The following STK32B variants were observed in gnomAD, a reference collection of about 807,000 sequenced individuals.
STK32B encodes the protein serine/threonine kinase 32B, also known as serine/threonine-protein kinase 32B.
STK32B carries 43 observed loss-of-function variants against 52.6 expected under a neutral mutation model. That is an observed-to-expected ratio of 0.82 (90% confidence interval 0.64 to 1.05). The LOEUF (loss-of-function observed/expected upper bound fraction) is 1.05. Ranked by LOEUF, STK32B falls within the 50% of genes least tolerant of loss-of-function variation. The probability of loss-of-function intolerance (pLI) is 0.00; values close to 1 mark genes in which losing one functional copy is unlikely to be tolerated. For missense variants in STK32B, 621 were observed against 534.6 expected (o/e 1.16, Z -1.59); for synonymous variants, 238 against 204.3 (o/e 1.17, Z -1.41).
At chr4:5,314,978 C>T (rs964791746) in intron 3 of STK32B, among the ~76,000 whole-genome samples, 3 of 152,014 alleles carry the variant, frequency 2.0e-5, no homozygotes, top group African/African-American at 7.3e-5. Context: ...ATAAACTGGA[C>T]CTCATTAAAA....
At chr4:5,448,495 G>A (rs957033221) in intron 7 of STK32B, among the ~76,000 whole-genome samples, 1 of 152,200 alleles carries the variant, frequency 6.6e-6, no homozygotes, top group African/African-American at 2.4e-5. Context: ...TGCCCTAAAC[G>A]TGACTGGGCT....
intron 4 of STK32B, among the ~76,000 whole-genome samples, chr4:5,349,988 C>A (rs1733723959): frequency 6.6e-6 from 1 of 152,116 alleles, no homozygotes; most frequent in Non-Finnish European, 1.5e-5. Flanking sequence ...ATATGGGACA[C>A]CATAAATCAA....
At chr4:5,143,023 A>G (rs1255882830) in intron 2 of STK32B, among the ~76,000 whole-genome samples, 1 of 152,200 alleles carries the variant, frequency 6.6e-6, no homozygotes, top group African/African-American at 2.4e-5. Flanking sequence ...CATGCCCTGT[A>G]AAAGTCAGAA....
At chr4:5,458,020 C>G (rs1274168513) in intron 8 of STK32B, among the ~76,000 whole-genome samples, 1 of 152,024 alleles carries the variant, frequency 6.6e-6, no homozygotes, top group Non-Finnish European at 1.5e-5. Flanking sequence ...GGAACTGTTG[C>G]TATTAGACTA....
intron 3 of STK32B, among the ~76,000 whole-genome samples, chr4:5,238,278 C>A (rs73081663): frequency 6.6e-6 from 1 of 152,024 alleles, no homozygotes; most frequent in Admixed American, 6.6e-5. Context: ...TTCTAGTGGG[C>A]GGTTGTAGGA....
chr4:5,029,930 T>C, the STK32B span, among the ~76,000 whole-genome samples: 1 of 152,186 alleles, frequency 6.6e-6, no homozygotes, highest in Non-Finnish European at 1.5e-5. Context: ...ATTCTCATGA[T>C]AGTGAATGAG....
chr4:5,470,022 G>A lies in STK32B; in HGVS notation c.1106+1952G>A, dbSNP rs1717732700. Among the ~76,000 whole-genome samples the A allele has an allele frequency of 6.6e-6, 1 of 152,138 alleles. No homozygotes were observed. The highest frequency in any genetic ancestry group is 1.5e-5 in the Non-Finnish European group (1 of 68,020). Reference sequence around the variant, plus strand: ...AGCAGCTGCTGGCAAACGTGAGCCTGCAAAAAGCTAAGCTGTGTGGGACCC... The same window carrying A: ...AGCAGCTGCTGGCAAACGTGAGCCTACAAAAAGCTAAGCTGTGTGGGACCC... On this transcript the variant is annotated intron_variant, in intron 11 of 11. Transcript: ENST00000282908. This position sits in a 1 kb window ranked among gnomAD's most constrained non-coding sequence, Gnocchi z 4.6.
chr4:5,208,502 G>C (rs111447901), intron 3 of STK32B, among the ~76,000 whole-genome samples: 4 of 152,178 alleles, frequency 2.6e-5, no homozygotes, highest in Non-Finnish European at 5.9e-5. Context: ...GTCATGAGAA[G>C]TTTTCTAACT....
intron 1 of STK32B, among the ~76,000 whole-genome samples, chr4:5,079,494 A>T (rs984919886): frequency 5.3e-5 from 8 of 152,282 alleles, no homozygotes; most frequent in African/African-American, 1.9e-4. Flanking sequence ...TTTCAATCTC[A>T]TTGGTTTAAA....
At chr4:5,286,728 G>T (rs1277547040) in intron 3 of STK32B, among the ~76,000 whole-genome samples, 1 of 147,896 alleles carries the variant, frequency 6.8e-6, no homozygotes, top group African/African-American at 2.5e-5. Flanking sequence ...TTTTTGCATT[G>T]TTGACCTTTA....
chr4:5,051,952 G>A lies in STK32B; in HGVS notation c.52+37G>A, dbSNP rs1349247639. 11 of 1,560,110 alleles carry A rather than the reference G, an allele frequency of 7.1e-6. No homozygotes were observed. The Admixed American group carries it at 1.9e-4, about 27-fold the overall frequency. ...AGAGGTGCGAATTCCCGCTTCGCGG[G>A]GCATCCCCTTCCTCCACCACCCTCG... On this transcript the variant is annotated intron_variant, in intron 1 of 11. Coordinates refer to ENST00000282908, the MANE Select transcript of STK32B (RefSeq NM_018401.3).
At chr4:5,227,347 A>G (rs1304265472) in intron 3 of STK32B, among the ~76,000 whole-genome samples, 1 of 152,244 alleles carries the variant, frequency 6.6e-6, no homozygotes, top group East Asian at 1.9e-4. Flanking sequence ...GTAACACAAT[A>G]TATTAGTAAT....
chr4:5,297,770 A>G (rs1729300371), intron 3 of STK32B, among the ~76,000 whole-genome samples: 1 of 151,710 alleles, frequency 6.6e-6, no homozygotes, highest in South Asian at 2.1e-4. Context: ...CACCTTCTGA[A>G]GCCTACTTCT....
rs1730327884 is a variant in STK32B, at chr4:5,312,030, T to C, written c.261-19190T>C. Among the ~76,000 whole-genome samples the C allele has an allele frequency of 2.0e-5, 3 of 151,642 alleles. No individual in the cohort carries two copies. In the South Asian group the frequency reaches 6.2e-4, roughly 31 times the overall value. ...AAAATGCCTCCATCCTTCTTCATTCTTCTCTCCATTATATATTTTAACAGA... is the reference window on the plus strand; with the variant it reads ...AAAATGCCTCCATCCTTCTTCATTCCTCTCTCCATTATATATTTTAACAGA... On this transcript the variant is annotated intron_variant, in intron 3 of 11. Coordinates refer to ENST00000282908, the MANE Select transcript of STK32B (RefSeq NM_018401.3).
At chr4:5,074,635 G>A (rs978486444) in intron 1 of STK32B, among the ~76,000 whole-genome samples, 2 of 151,836 alleles carry the variant, frequency 1.3e-5, no homozygotes, top group Non-Finnish European at 2.9e-5. Flanking sequence ...CACATGTCTG[G>A]CACAATAAAT....
rs1019003422 is a variant in STK32B, at chr4:5,386,573, A to G, written c.435-11634A>G. Among the ~76,000 whole-genome samples, 1 of 152,208 alleles carries G rather than the reference A, an allele frequency of 6.6e-6. No homozygotes were observed. Among genetic ancestry groups the G allele is most frequent in the African/African-American group, 2.4e-5 (1 of 41,458 alleles). On this transcript the variant is annotated intron_variant, in intron 4 of 11. Transcript: ENST00000282908. This position sits in a 1 kb window ranked among gnomAD's most constrained non-coding sequence, Gnocchi z 4.5. ...ATCTGTAAGGAGAGGGAGAAACACA[A>G]TTATTTCTTAGATCCCTTTTGGCTC...
the STK32B span, among the ~76,000 whole-genome samples, chr4:5,032,145 C>G: frequency 6.6e-6 from 1 of 150,902 alleles, no homozygotes; most frequent in African/African-American, 2.4e-5. Context: ...AGACTAGTAG[C>G]CAGTTATGAC....
At chr4:5,245,819 C>T (rs1725407658) in intron 3 of STK32B, among the ~76,000 whole-genome samples, 2 of 152,146 alleles carry the variant, frequency 1.3e-5, no homozygotes, top group African/African-American at 2.4e-5. Flanking sequence ...TTTTATTTCT[C>T]CTTCACTTAT....
At chr4:5,350,122 G>A (rs373626978) in intron 4 of STK32B, among the ~76,000 whole-genome samples, 4 of 152,088 alleles carry the variant, frequency 2.6e-5, no homozygotes, top group Non-Finnish European at 4.4e-5. Context: ...GAAGTTCAAA[G>A]GTCCTGGCAT....
Sources: gnomAD v4.1 joint callset for allele counts (sites outside exome capture counted in the v4.1 genomes callset) on GRCh38, gnomAD v4.1.1 for gene constraint, Gnocchi (gnomAD v3.1) non-coding constraint, MANE v1.5 for transcripts, NCBI Gene and HGNC (gene_info 2026-07-23, HGNC 2026-07-21) for gene names.